The following PRPF4 variants were observed in gnomAD, a reference collection of about 807,000 sequenced individuals.
PRPF4 encodes U4/U6 small nuclear ribonucleoprotein Prp4.
PRPF4 carries 14 observed loss-of-function variants against 72.2 expected under a neutral mutation model. That is an observed-to-expected ratio of 0.19 (90% CI 0.13 to 0.30). The LOEUF is 0.30. PRPF4 is among the 10% of genes least tolerant of loss of function. PRPF4 has a pLI of 1.00. For missense variants in PRPF4, 478 were observed against 653.9 expected (o/e 0.73, Z 2.93); for synonymous variants, 225 against 232.2 (o/e 0.97, Z 0.28).
At chr9:113,278,873 C>T in intron 2 of PRPF4, 72 bp from the exon 3 acceptor site, 1 of 1,480,636 alleles carries the variant, frequency 6.8e-7, no homozygotes, top group Non-Finnish European at 9.4e-7. Context: ...CATACACAGA[C>T]TGCAATTACT....
At chr9:113,290,610 C>A in intron 11 of PRPF4, 22 bp downstream of exon 11, 1 of 1,614,098 alleles carries the variant, frequency 6.2e-7, no homozygotes, top group South Asian at 1.1e-5. Context: ...CCCATGTAGT[C>A]AGGGGCAGTT....
chr9:113,279,250 T>G, intron 3 of PRPF4, 119 bp downstream of exon 3: 4 of 941,748 alleles, frequency 4.2e-6, no homozygotes, highest in East Asian at 2.6e-5. Context: ...TAACAATATC[T>G]TACTGTGTTT....
At chr9:113,286,933 G>A in intron 9 of PRPF4, 105 bp downstream of exon 9, 1 of 1,522,458 alleles carries the variant, frequency 6.6e-7, no homozygotes, top group East Asian at 2.3e-5. Context: ...GCCATGCGCA[G>A]TGGCTCACAC....
In PRPF4 at chr9:113,275,883, A is replaced by C. The variant is rs936755450; in HGVS notation, c.27+113A>C. On this transcript the variant is annotated intron_variant, in intron 1 of 13. Coordinates refer to ENST00000374198, the MANE Select transcript of PRPF4 (RefSeq NM_001244926.2). ...AGAAGGCGGTGGAGGGCTGAGGAGG[A>C]AGGCTGCGGGACTCAGCGGTGTCCT... The C allele has an allele frequency of 3.4e-5, 48 of 1,430,122 alleles. No homozygotes were observed. In the Middle Eastern group the frequency reaches 4.1e-3, roughly 123 times the overall value. The allele number at this position is 1,430,122 out of a possible 1,614,324, so 88.6% of individuals were successfully genotyped here. A position where few individuals can be genotyped will look rare whatever the true frequency, so the allele number is the denominator to read the frequency against.
rs1274180441 is a variant in PRPF4 at position 113,292,741 on chromosome 9, A to T, written c.*1081A>T. On this transcript the variant is annotated 3_prime_UTR_variant, in exon 14 of 14. Transcript: ENST00000374198. The stretch of plus-strand genomic sequence containing the variant: ...TTTCTCTTGGCTGTTTAAAGGATGT[A>T]CTTCGTGTATTAAAGGGTACTTTAT... The T allele has an allele frequency of 1.3e-5, 2 of 152,234 alleles. No individual in the cohort carries two copies. Among genetic ancestry groups the T allele is most frequent in the African/African-American group, 4.8e-5 (2 of 41,458 alleles). 9.4% of individuals were successfully genotyped at this position (152,234 alleles called of 1,614,324 possible).
chr9:113,275,732 C>T lies in PRPF4; in HGVS notation c.-12C>T, dbSNP rs1410931592. ...CGGGTTTCGCTGGGGCCTCGCGGCT[C>T]CAGAGCCCAGCATGGCTTCCTCGCG... On this transcript the variant is annotated 5_prime_UTR_variant, in exon 1 of 14. Transcript: ENST00000374198. 1 of 1,610,418 alleles carries T rather than the reference C, an allele frequency of 6.2e-7. No homozygotes were observed. Among genetic ancestry groups the T allele is most frequent in the Non-Finnish European group, 8.5e-7 (1 of 1,178,384 alleles).
intron 7 of PRPF4, 153 bp from the exon 8 acceptor site, chr9:113,286,079 T>C: frequency 2.9e-6 from 1 of 339,442 alleles, no homozygotes; most frequent in Non-Finnish European, 4.2e-6. Context: ...CTTTTTCTTC[T>C]ATAACCCTTC....
chr9:113,283,313 A>G, intron 5 of PRPF4, 76 bp from the exon 6 acceptor site: 2 of 1,612,138 alleles, frequency 1.2e-6, no homozygotes, highest in Non-Finnish European at 1.7e-6. Context: ...AATGAAATTG[A>G]GGGGTAGAGT....
intron 6 of PRPF4, 71 bp from the exon 7 acceptor site, chr9:113,284,224 G>A: frequency 1.7e-6 from 2 of 1,181,138 alleles, no homozygotes; most frequent in Non-Finnish European, 2.5e-6. Context: ...TCTTTTTATG[G>A]TGGAAAAGCA....
intron 6 of PRPF4, 55 bp from the exon 7 acceptor site, chr9:113,284,240 G>C: frequency 7.6e-7 from 1 of 1,310,816 alleles, no homozygotes; most frequent in Non-Finnish European, 1.1e-6. Context: ...AAGCAAAGGA[G>C]CTCTTAGATT....
At chr9:113,286,683 T>C in intron 8 of PRPF4, 22 bp from the exon 9 acceptor site, 1 of 1,614,108 alleles carries the variant, frequency 6.2e-7, no homozygotes, top group Admixed American at 1.7e-5. Flanking sequence ...CCTTTTAACT[T>C]GCATCTCTTA....
Position 113,282,811 on chromosome 9 carries a change from G to T in PRPF4, c.480+78G>T, listed in dbSNP as rs74730701. 1.5e-3 allele frequency: 1,861 copies of T among 1,244,928 alleles called. 27 individuals carry two copies. The African/African-American group carries it at 0.025, about 17-fold the overall frequency. 77.1% of individuals were successfully genotyped at this position (1,244,928 alleles called of 1,614,324 possible). A position where few individuals can be genotyped will look rare whatever the true frequency, so the allele number is the denominator to read the frequency against. On this transcript the variant is annotated intron_variant, in intron 4 of 13. Transcript: ENST00000374198. ...GGTCTCTCGTTTTCTGCTTTCAATG[G>T]TTTGTTTTGCTGAGATGTTGGGGGA...
chr9:113,288,079 G>A (rs545815346), intron 9 of PRPF4, 96 bp from the exon 10 acceptor site: 57 of 1,140,812 alleles, frequency 5.0e-5, no homozygotes, highest in Admixed American at 1.3e-4. Flanking sequence ...TTAGCCTCTC[G>A]TGTTGTACAG....
chr9:113,283,616 C>G, intron 6 of PRPF4, 134 bp downstream of exon 6: 1 of 826,980 alleles, frequency 1.2e-6, no homozygotes, highest in Non-Finnish European at 1.9e-6. Context: ...GCTGCTGTGA[C>G]ATGGAAGGAG....
intron 10 of PRPF4, among the ~76,000 whole-genome samples, chr9:113,290,109 A>T (rs915875903): frequency 6.6e-6 from 1 of 152,134 alleles, no homozygotes; most frequent in African/African-American, 2.4e-5. Context: ...AGTCCCAGCT[A>T]CTCAGAAGGC....
rs759501754 is a variant in PRPF4 at position 113,291,541 on chromosome 9, C to T, written c.1447C>T (p.Pro483Ser). 2 of 1,614,026 alleles carry T rather than the reference C, an allele frequency of 1.2e-6. No homozygotes were observed. Among genetic ancestry groups the T allele is most frequent in the African/African-American group, 2.7e-5 (2 of 74,914 alleles). Residue 483 changes from proline (P) to serine (S), a missense_variant, in exon 14 of 14, where the codon CCG (proline) becomes TCG (serine). Physicochemically the swap from Pro to Ser is moderately conservative, Grantham distance 74 (BLOSUM62 -1). Transcript: ENST00000374198. ...AKIWTHPGWS[P>S]LKTLAGHEGK... ...GATCTGGACGCACCCAGGCTGGTCC[C>T]CGCTGAAGACTCTGGCTGGCCACGA...
At position 113,283,197 on chromosome 9, in the gene PRPF4, T is replaced by C. The variant is rs773515967; in HGVS notation, c.546T>C (p.Asn182=). ...SLKVARLWIA[N]YSLPRAMKRL... Reference sequence around the variant, plus strand: ...AGGTGGCAAGACTATGGATTGCTAATTATTCGTTGCCCAGGTAAAGAGAGC... The same window carrying C: ...AGGTGGCAAGACTATGGATTGCTAACTATTCGTTGCCCAGGTAAAGAGAGC... Residue 182 remains asparagine, a synonymous_variant, in exon 5 of 14, where the codon AAT becomes AAC. Transcript: ENST00000374198. 1.1e-5 allele frequency: 18 copies of C among 1,614,118 alleles called. No homozygotes were observed. Among genetic ancestry groups the C allele is most frequent in the Admixed American group, 5.0e-5 (3 of 60,004 alleles).
At position 113,275,726 on chromosome 9, in the gene PRPF4, G is replaced by A. The variant is rs1189954702; in HGVS notation, c.-18G>A. 2 of 1,608,664 alleles carry A rather than the reference G, an allele frequency of 1.2e-6. No individual in the cohort carries two copies. Among genetic ancestry groups the A allele is most frequent in the African/African-American group, 1.3e-5 (1 of 74,516 alleles). Reference sequence around the variant, plus strand: ...AGTGTTCGGGTTTCGCTGGGGCCTCGCGGCTCCAGAGCCCAGCATGGCTTC... The same window carrying A: ...AGTGTTCGGGTTTCGCTGGGGCCTCACGGCTCCAGAGCCCAGCATGGCTTC... On this transcript the variant is annotated 5_prime_UTR_variant, in exon 1 of 14. Transcript: ENST00000374198.
intron 13 of PRPF4, among the ~76,000 whole-genome samples, chr9:113,291,220 G>A (rs1428007043): frequency 2.0e-5 from 3 of 152,186 alleles, no homozygotes; most frequent in African/African-American, 7.2e-5. Flanking sequence ...AGGAAGTAAA[G>A]CAGACTTTCA....
Sources: allele counts gnomAD v4.1 joint callset (sites outside exome capture counted in the v4.1 genomes callset), GRCh38; gene constraint gnomAD v4.1.1; transcripts MANE v1.5; gene names NCBI Gene and HGNC (gene_info 2026-07-23, HGNC 2026-07-21).